The following ZP4 variants were observed in gnomAD, a reference collection of about 807,000 sequenced individuals.
ZP4 encodes zona pellucida glycoprotein 4.
In ZP4, 62 loss-of-function variants were observed where a neutral mutation model predicts 62.3. The observed-to-expected ratio is 0.99, with a 90% confidence interval of 0.81 to 1.23. The LOEUF (loss-of-function observed/expected upper bound fraction) is 1.23. Among genes scored for constraint, ZP4 ranks in the 50% most tolerant of loss-of-function variants. The pLI, the probability that ZP4 is intolerant of heterozygous loss-of-function variation, is 0.00. For synonymous variants in ZP4, 289 were observed against 247.3 expected (o/e 1.17, Z -1.58); for missense variants, 774 against 656.0 (o/e 1.18, Z -1.97).
In ZP4 at chr1:237,890,675, C is replaced by T. The variant is rs764358082; in HGVS notation, c.-40G>A. The T allele has an allele frequency of 1.3e-6, 2 of 1,591,842 alleles. No homozygotes were observed. The highest frequency in any genetic ancestry group is 1.3e-5 in the African/African-American group (1 of 74,312). On this transcript the variant is annotated 5_prime_UTR_variant, in exon 1 of 12. Coordinates refer to ENST00000366570, the MANE Select transcript of ZP4 (RefSeq NM_021186.5). The stretch of plus-strand genomic sequence containing the variant: ...TTCCTGCCGGCTGCAGACTCTCCGC[C>T]TCCTCTCCCAAGAGCCGAGGGTCTG...
In ZP4 at chr1:237,885,252, A is replaced by C; in HGVS notation, c.1224T>G (p.Leu408=). The C allele has an allele frequency of 1.2e-6, 2 of 1,614,158 alleles. No individual in the cohort carries two copies. Among genetic ancestry groups the C allele is most frequent in the Non-Finnish European group, 1.7e-6 (2 of 1,180,024 alleles). Residue 408 remains leucine (L), a synonymous_variant, in exon 9 of 12, where the codon CTT becomes CTG. Transcript: ENST00000366570. Reference sequence around the variant, plus strand: ...AGCGCTGGTGGTGAGAGGGAAATGGAAGATCCAAGGCTTTCTGGACAGGGA... The same window carrying C: ...AGCGCTGGTGGTGAGAGGGAAATGGCAGATCCAAGGCTTTCTGGACAGGGA... ...QLIPVQKALD[L]PFPSHHQRFS...
At position 237,882,730 on chromosome 1, in the gene ZP4, T is replaced by C. The variant is rs1664945170; in HGVS notation, c.1495+12A>G. ...GTTCACTAGTTTGATCTCCTCCCTC[T>C]TGGATACTTACGGAGCTTTTCTGGA... On this transcript the variant is annotated intron_variant, in intron 11 of 11. Transcript: ENST00000366570. 6.2e-7 allele frequency: 1 copy of C among 1,613,078 alleles called. No homozygotes were observed. The highest frequency in any genetic ancestry group is 1.7e-5 in the Admixed American group (1 of 59,750).
intron 7 of ZP4, 56 bp from the exon 8 acceptor site, chr1:237,885,636 C>T: frequency 1.9e-6 from 3 of 1,596,884 alleles, no homozygotes. Flanking sequence ...ACTTGAGGGA[C>T]TGTCACCCCT....
rs1664988911 is a variant in ZP4, at chr1:237,883,744, AGAGAGAGGGAGAGAGAGGG to A, written c.1391-917_1391-899del. ...GAGGGCGGGGGAGGGAGAGAGAGGGAGAGAGAGGGAGAGAGAGGGAGAGAGAGGAAGAGAGAGGAAGAGA... is the reference window on the plus strand; with the variant it reads ...GAGGGCGGGGGAGGGAGAGAGAGGGAAGAGAGAGGAAGAGAGAGGAAGAGA... On this transcript the variant is annotated intron_variant, in intron 10 of 11. Transcript: ENST00000366570. Among the ~76,000 whole-genome samples, 5 of 95,614 alleles carry A rather than the reference AGAGAGAGGGAGAGAGAGGG, an allele frequency of 5.2e-5. 1 individual carries two copies. Among genetic ancestry groups the A allele is most frequent in the African/African-American group, 8.3e-5 (2 of 24,084 alleles). 62.7% of individuals were successfully genotyped at this position (95,614 alleles called of 152,430 possible).
At chr1:237,884,388 C>CTA (rs1665045476) in intron 10 of ZP4, among the ~76,000 whole-genome samples, 1 of 152,176 alleles carries the variant, frequency 6.6e-6, no homozygotes, top group African/African-American at 2.4e-5. Context: ...AGACCACATT[C>CTA]TAGGTCCAGT....
intron 10 of ZP4, among the ~76,000 whole-genome samples, chr1:237,883,985 C>A (rs865807952): frequency 0.023 from 675 of 29,754 alleles, 18 homozygotes; most frequent in African/African-American, 0.077. Flanking sequence ...CACACACAAA[C>A]ACACACACAC....
rs193920872 is a variant in ZP4 at position 237,890,138 on chromosome 1, C to T, written c.214G>A (p.Asp72Asn). 40 of 1,613,908 alleles carry T rather than the reference C, an allele frequency of 2.5e-5. No homozygotes were observed. Among genetic ancestry groups the T allele is most frequent in the South Asian group, 2.1e-4 (19 of 91,066 alleles). ...CCTTTTCTTATCCAGGTGCCACAGT[C>T]GGAGTCATTCTGCAGCTCGTGCAGC... ...GLLHELQNDS[D>N]CGTWIRKGPG... Residue 72 changes from aspartate to asparagine, a missense_variant, in exon 2 of 12, where the codon GAC (aspartate) becomes AAC (asparagine). By Grantham distance (23) the Asp-to-Asn change is conservative. Coordinates refer to ENST00000366570, the MANE Select transcript of ZP4 (RefSeq NM_021186.5).
In ZP4 at chr1:237,888,479, G is replaced by A; in HGVS notation, c.432C>T (p.Asp144=). Reference sequence around the variant, plus strand: ...GCAGTCTGTCCCGTGCTGGGATGGAGTCACACCAGTCAGTATCTGGAGCAT... The same window carrying A: ...GCAGTCTGTCCCGTGCTGGGATGGAATCACACCAGTCAGTATCTGGAGCAT... ...ARDAPDTDWC[D]SIPARDRLPC... The change falls in exon 4 of 12, where the codon GAC becomes GAT. Residue 144 remains aspartate (D), a synonymous_variant. Transcript: ENST00000366570. 6.2e-7 allele frequency: 1 copy of A among 1,609,170 alleles called. No individual in the cohort carries two copies. The highest frequency in any genetic ancestry group is 8.5e-7 in the Non-Finnish European group (1 of 1,176,492).
chr1:237,889,401 C>T (rs180685751), intron 3 of ZP4, among the ~76,000 whole-genome samples: 5 of 151,770 alleles, frequency 3.3e-5, no homozygotes, highest in Admixed American at 3.3e-4. Flanking sequence ...TCACCACAAC[C>T]TCAGCCTCCC....
rs1665204151 is a variant in ZP4 at position 237,890,083 on chromosome 1, G to A, written c.269C>T (p.Thr90Ile). Residue 90 changes from threonine to isoleucine, a missense_variant, in exon 2 of 12, where the codon ACC (threonine) becomes ATC (isoleucine). Transcript: ENST00000366570. ...GPGSSVVLEA[T>I]YSSCYVTEWD... Reference sequence around the variant, plus strand: ...CTCAGTGACATAGCAGCTGCTATAGGTTGCCTCCAACACCACGGAGCTGCC... The same window carrying A: ...CTCAGTGACATAGCAGCTGCTATAGATTGCCTCCAACACCACGGAGCTGCC... 3 of 1,614,146 alleles carry A rather than the reference G, an allele frequency of 1.9e-6. No individual in the cohort carries two copies. In the South Asian group the frequency reaches 3.3e-5, roughly 18 times the overall value.
intron 10 of ZP4, among the ~76,000 whole-genome samples, chr1:237,883,627 A>G (rs1270099846): frequency 8.1e-5 from 1 of 12,324 alleles, no homozygotes; most frequent in Admixed American, 1.4e-3. Context: ...GGTGGGAGAG[A>G]GGGGGAGGGG....
rs1230059509 is a variant in ZP4 at position 237,890,568 on chromosome 1, G to A, written c.68C>T (p.Pro23Leu). The A allele has an allele frequency of 1.2e-6, 2 of 1,613,998 alleles. No homozygotes were observed. The highest frequency in any genetic ancestry group is 2.7e-5 in the African/African-American group (2 of 74,904). The part of the protein sequence containing the change: ...LSLAVSGQHK[P>L]EAPDYSSVLH... ...CACACTGGAATAATCTGGTGCCTCA[G>A]GCTTATGCTGGCCACTCACAGCAAG... Residue 23 changes from proline (P) to leucine (L), a missense_variant, in exon 1 of 12, where the codon CCT becomes CTT. Pro to Leu is a moderately conservative substitution (Grantham distance 98). Coordinates refer to ENST00000366570, the MANE Select transcript of ZP4 (RefSeq NM_021186.5).
chr1:237,884,397 GTC>G, intron 10 of ZP4, among the ~76,000 whole-genome samples: 1 of 152,186 alleles, frequency 6.6e-6, no homozygotes, highest in African/African-American at 2.4e-5. Context: ...TCTAGGTCCA[GTC>G]ATTCTACTTA....
chr1:237,888,359 AG>A lies in ZP4; in HGVS notation c.551del (p.Thr184MetfsTer2). 1 of 1,576,042 alleles carries A rather than the reference AG, an allele frequency of 6.3e-7. No individual in the cohort carries two copies. Among genetic ancestry groups the A allele is most frequent in the Non-Finnish European group, 8.7e-7 (1 of 1,152,890 alleles). On this transcript the variant is annotated frameshift_variant and splice_region_variant, in exon 4 of 12. Coordinates refer to ENST00000366570, the MANE Select transcript of ZP4 (RefSeq NM_021186.5). LOFTEE classifies it high-confidence loss of function. ...TCAGAGGTGTGCTCACTTACTCACC[AG>A]TGTTTCCATAGTAGCAGGAATTCAC... Reference protein sequence around the residue: ...EEVNSCYYGNTVTLHCTREGH... With the variant: ...EEVNSCYYGNXVTLHCTREGH...
At chr1:237,887,146 TA>T (rs1280616826) in intron 5 of ZP4, among the ~76,000 whole-genome samples, 5 of 152,128 alleles carry the variant, frequency 3.3e-5, no homozygotes, top group Non-Finnish European at 5.9e-5. Context: ...TATAGCACGG[TA>T]AATGACAGCC....
chr1:237,884,031 CAAACACACACAAACACACACAA>C (rs1558531185), intron 10 of ZP4, among the ~76,000 whole-genome samples: 1,030 of 100,732 alleles, frequency 0.01, 34 homozygotes, highest in African/African-American at 0.037. Flanking sequence ...CACACACACA[CAAACACACACAAACACACACAA>C]ACACACACAA....
chr1:237,884,495 C>T (rs919054251), intron 10 of ZP4, among the ~76,000 whole-genome samples: 1 of 152,096 alleles, frequency 6.6e-6, no homozygotes, highest in African/African-American at 2.4e-5. Context: ...TAAAATGAGA[C>T]ATAAGATAGG....
Position 237,890,528 on chromosome 1 carries a change from C to T in ZP4, c.108G>A (p.Pro36=), listed in dbSNP as rs370699655. 3.9e-5 allele frequency: 63 copies of T among 1,613,964 alleles called. No homozygotes were observed. In the East Asian group the frequency reaches 6.9e-4, roughly 18 times the overall value. The change falls in exon 1 of 12, where the codon CCG becomes CCA. Residue 36 remains proline, a synonymous_variant. Transcript: ENST00000366570. ...PDYSSVLHCG[P]WSFQFAVNLN... is the part of the protein sequence containing the mutation. Reference sequence around the variant, plus strand: ...GGTTTACAGCAAACTGGAAGCTCCACGGCCCACAGTGGAGCACACTGGAAT... The same window carrying T: ...GGTTTACAGCAAACTGGAAGCTCCATGGCCCACAGTGGAGCACACTGGAAT...
Position 237,890,016 on chromosome 1 carries a change from C to G in ZP4, c.297+39G>C, listed in dbSNP as rs538353. On this transcript the variant is annotated intron_variant, in intron 2 of 11. Transcript: ENST00000366570. ...GGTCAGCCTGGATGGTAGCATGAGG[C>G]GCTTCACACAGTCTCCCTGGCCATT... The G allele has an allele frequency of 0.022, 35,221 of 1,613,952 alleles. 6,212 individuals carry two copies. The African/African-American group carries it at 0.4, about 18-fold the overall frequency.
Sources: gnomAD v4.1 joint callset for allele counts (sites outside exome capture counted in the v4.1 genomes callset) on GRCh38, gnomAD v4.1.1 for gene constraint, MANE v1.5 for transcripts, NCBI Gene and HGNC (gene_info 2026-07-23, HGNC 2026-07-21) for gene names.